DPH5: variants seen among roughly 807,000 people sequenced by gnomAD.
DPH5 encodes the protein diphthine methyl ester synthase.
Under a neutral mutation model 31.6 loss-of-function variants are expected in DPH5, and 31 were observed. That is an observed-to-expected ratio of 0.98 (90% CI 0.74 to 1.32). DPH5 has a LOEUF of 1.32. Among genes scored for constraint, DPH5 ranks in the 40% most tolerant of loss-of-function variants. The probability of loss-of-function intolerance (pLI) is 0.00; values close to 1 mark genes in which losing one functional copy is unlikely to be tolerated. For synonymous variants in DPH5, 120 were observed against 115.0 expected (o/e 1.04, Z -0.28); for missense variants, 309 against 335.7 (o/e 0.92, Z 0.62).
chr1:100,994,377 C>T (rs1021748892), intron 6 of DPH5, among the ~76,000 whole-genome samples: 1 of 152,064 alleles, frequency 6.6e-6, no homozygotes, highest in East Asian at 1.9e-4. Context: ...TTCAAATGCT[C>T]CTTAGTCACA....
chr1:101,002,542 CAA>C (rs1658951399), intron 4 of DPH5, among the ~76,000 whole-genome samples: 1 of 152,104 alleles, frequency 6.6e-6, no homozygotes, highest in Non-Finnish European at 1.5e-5. Context: ...CATTTATTTT[CAA>C]AGACAATATA....
chr1:101,017,645 C>T (rs1660169684), intron 3 of DPH5, among the ~76,000 whole-genome samples: 1 of 152,158 alleles, frequency 6.6e-6, no homozygotes, highest in Admixed American at 6.5e-5. Context: ...ACAAGTAGAA[C>T]CTGTGGACTG....
intron 3 of DPH5, among the ~76,000 whole-genome samples, chr1:101,019,394 CT>C (rs1041018351): frequency 6.6e-6 from 1 of 152,080 alleles, no homozygotes; most frequent in Non-Finnish European, 1.5e-5. Context: ...TGTGAATGTA[CT>C]TAGTATGCCA....
chr1:101,013,167 A>T (rs1659822523), intron 4 of DPH5, among the ~76,000 whole-genome samples: 1 of 152,226 alleles, frequency 6.6e-6, no homozygotes, highest in Admixed American at 6.5e-5. Flanking sequence ...GATATAAATG[A>T]TAAAGATATA....
intron 5 of DPH5, among the ~76,000 whole-genome samples, chr1:101,000,342 T>C (rs1658761893): frequency 6.6e-6 from 1 of 152,318 alleles, no homozygotes; most frequent in Middle Eastern, 3.4e-3. Flanking sequence ...AATGCCAGTA[T>C]GTGAGCTTTG....
intron 4 of DPH5, among the ~76,000 whole-genome samples, chr1:101,007,831 T>G (rs1659348973): frequency 6.6e-6 from 1 of 150,850 alleles, no homozygotes; most frequent in Admixed American, 6.6e-5. Flanking sequence ...TTATTAAGAG[T>G]GATCCTCAAT....
At position 100,990,415 on chromosome 1, in the gene DPH5, C is replaced by T. The variant is rs1657562706; in HGVS notation, c.851G>A (p.Gly284Glu). The change falls in exon 8 of 8, where the codon GGA (glycine) becomes GAA (glutamate). Residue 284 changes from glycine (G) to glutamate (E), a missense_variant. Gly to Glu is a moderately conservative substitution (Grantham distance 98). Transcript: ENST00000370109. ...AATGGTAAATATCTATGTTCAAAGT[C>T]CATTGATGCTTTGAGATTCTGAGCT... ...ENSSESQSIN[G>E]L 6.2e-7 allele frequency: 1 copy of T among 1,612,966 alleles called. No homozygotes were observed. The highest frequency in any genetic ancestry group is 1.3e-5 in the African/African-American group (1 of 74,860).
At chr1:101,000,425 A>T (rs1456927662) in intron 5 of DPH5, among the ~76,000 whole-genome samples, 4 of 152,200 alleles carry the variant, frequency 2.6e-5, no homozygotes. Context: ...TGACACTGAC[A>T]TAAAAGACCG....
rs142315144 is a variant in DPH5 at position 101,003,359 on chromosome 1, T to A, written c.370-1772A>T. 4.8e-3 allele frequency among the ~76,000 whole-genome samples: 724 copies of A among 152,312 alleles called. 9 individuals are homozygous for A. Among genetic ancestry groups the A allele is most frequent in the African/African-American group, 0.017 (686 of 41,570 alleles). On this transcript the variant is annotated intron_variant, in intron 4 of 7. Coordinates refer to ENST00000370109, the MANE Select transcript of DPH5 (RefSeq NM_015958.3). ...GCCAACAAATACTTATTACAGATCA[T>A]CTACTATGTACCAGGTATTATGCTA...
intron 4 of DPH5, among the ~76,000 whole-genome samples, chr1:101,003,835 T>A (rs922448635): frequency 6.6e-6 from 1 of 152,176 alleles, no homozygotes; most frequent in African/African-American, 2.4e-5. Flanking sequence ...CTGTTTACAT[T>A]CTAAAAAGGA....
chr1:101,016,194 A>G (rs1380089505), intron 3 of DPH5, among the ~76,000 whole-genome samples: 1 of 151,918 alleles, frequency 6.6e-6, no homozygotes, highest in African/African-American at 2.4e-5. Flanking sequence ...CTCTACTAAA[A>G]ATACAAAAAG....
intron 4 of DPH5, among the ~76,000 whole-genome samples, chr1:101,013,455 T>A (rs550669866): frequency 2.8e-4 from 43 of 152,198 alleles, no homozygotes; most frequent in Non-Finnish European, 4.4e-4. Context: ...ATTTTCCTTT[T>A]TATGTAAGTA....
At chr1:101,024,200 G>C (rs1318927054) in intron 2 of DPH5, among the ~76,000 whole-genome samples, 4 of 152,138 alleles carry the variant, frequency 2.6e-5, no homozygotes, top group Non-Finnish European at 5.9e-5. Context: ...CTAGAGTCCA[G>C]GAACTTGTGA....
chr1:101,019,613 T>A (rs1660312705), intron 3 of DPH5, among the ~76,000 whole-genome samples: 1 of 152,198 alleles, frequency 6.6e-6, no homozygotes, highest in Non-Finnish European at 1.5e-5. Context: ...CTGCATTCTA[T>A]ATTCCTTACC....
At chr1:101,025,524 G>C (rs1302900441) in intron 1 of DPH5, 58 bp from the exon 2 acceptor site, 3 of 1,549,368 alleles carry the variant, frequency 1.9e-6, no homozygotes, top group Non-Finnish European at 2.6e-6. Flanking sequence ...CTAAAATCTA[G>C]TGATGAACAC....
intron 4 of DPH5, among the ~76,000 whole-genome samples, chr1:101,009,917 T>TGTATGGAATATACA (rs1659507462): frequency 6.6e-6 from 1 of 152,214 alleles, no homozygotes; most frequent in South Asian, 2.1e-4. Context: ...GCCTTTGCAC[T>TGTATGGAATATACA]GTTTCCTCTG....
At chr1:101,003,593 G>T (rs1421543208) in intron 4 of DPH5, among the ~76,000 whole-genome samples, 1 of 152,160 alleles carries the variant, frequency 6.6e-6, no homozygotes, top group African/African-American at 2.4e-5. Flanking sequence ...TAAAAATGTG[G>T]TTTTTAAGGG....
At chr1:100,996,746 A>G (rs1021583191) in intron 5 of DPH5, among the ~76,000 whole-genome samples, 3 of 152,232 alleles carry the variant, frequency 2.0e-5, no homozygotes, top group African/African-American at 7.2e-5. Flanking sequence ...GGAAAGATCT[A>G]CACAATTAAT....
chr1:101,001,061 T>C (rs1658829569), intron 5 of DPH5, among the ~76,000 whole-genome samples: 1 of 152,228 alleles, frequency 6.6e-6, no homozygotes, highest in Non-Finnish European at 1.5e-5. Flanking sequence ...CTTTCAGATC[T>C]ATCATTGTGA....
Sources: gnomAD v4.1 joint callset for allele counts (sites outside exome capture counted in the v4.1 genomes callset) on GRCh38, gnomAD v4.1.1 for gene constraint, MANE v1.5 for transcripts, NCBI Gene and HGNC (gene_info 2026-07-23, HGNC 2026-07-21) for gene names.